Variants in UBE3C observed in about 807,000 individuals in gnomAD.
UBE3C encodes ubiquitin protein ligase E3C.
In UBE3C, 42 loss-of-function variants were observed where a neutral mutation model predicts 129.4. The ratio of observed to expected loss-of-function variants is 0.32; its 90% CI spans 0.25 to 0.42. The LOEUF is 0.42. Among genes scored for constraint, UBE3C ranks in the 10% least tolerant of loss-of-function variants. The probability of loss-of-function intolerance (pLI) is 1.00; values close to 1 mark genes in which losing one functional copy is unlikely to be tolerated. For synonymous variants in UBE3C, 510 were observed against 492.4 expected, an observed-to-expected ratio of 1.04 and a Z score of -0.47; for missense variants, 1,049 against 1,319.1, an observed-to-expected ratio of 0.80 and a Z score of 3.17.
intron 1 of UBE3C, among the ~76,000 whole-genome samples, chr7:157,157,028 C>A (rs114243773): frequency 6.6e-6 from 1 of 152,038 alleles, no homozygotes; most frequent in African/African-American, 2.4e-5. Flanking sequence ...AACTCATGTC[C>A]GGCCCAGGCG....
At chr7:157,230,425 G>A (rs914314316) in intron 17 of UBE3C, among the ~76,000 whole-genome samples, 2 of 151,020 alleles carry the variant, frequency 1.3e-5, no homozygotes, top group African/African-American at 2.4e-5. Context: ...GGCCGGGCAC[G>A]GTGGCTCACG....
At chr7:157,263,641 T>C (rs1347356621) in intron 22 of UBE3C, among the ~76,000 whole-genome samples, 4 of 150,778 alleles carry the variant, frequency 2.7e-5, no homozygotes, top group African/African-American at 9.8e-5. Flanking sequence ...ACCAGCCTTG[T>C]TGAGAGAGCA....
At chr7:157,223,129 A>G (rs773519555) in intron 15 of UBE3C, 125 bp from the exon 16 acceptor site, 2 of 1,001,408 alleles carry the variant, frequency 2.0e-6, no homozygotes, top group African/African-American at 1.6e-5. Context: ...GGATGTGTTC[A>G]TGGAACTGGA....
chr7:157,220,028 T>C lies in UBE3C; in HGVS notation c.1915-661T>C, dbSNP rs184602292. ...GAGTTCAAGACCAGTCTGGGCAAGA[T>C]AGCAAAACCCCATCTCTACAAAAAG... On this transcript the variant is annotated intron_variant, in intron 14 of 22. Coordinates refer to ENST00000348165, the MANE Select transcript of UBE3C (RefSeq NM_014671.3). Among the ~76,000 whole-genome samples, 5 of 152,172 alleles carry C rather than the reference T, an allele frequency of 3.3e-5. No homozygotes were observed. The East Asian group carries it at 7.7e-4, about 24-fold the overall frequency.
intron 18 of UBE3C, among the ~76,000 whole-genome samples, chr7:157,247,658 C>T (rs1227998431): frequency 6.6e-5 from 10 of 152,042 alleles, no homozygotes; most frequent in Admixed American, 5.9e-4. Context: ...CGCGGCTGCA[C>T]TCCAGCCTGG....
At chr7:157,235,218 T>A (rs1276282156) in intron 18 of UBE3C, among the ~76,000 whole-genome samples, 1 of 151,712 alleles carries the variant, frequency 6.6e-6, no homozygotes, top group Non-Finnish European at 1.5e-5. Flanking sequence ...GAAAAGAAAA[T>A]CTTTACAATG....
Position 157,169,093 on chromosome 7 carries a change from A to C in UBE3C, c.166A>C (p.Ile56Leu), listed in dbSNP as rs1358162034. The stretch of plus-strand genomic sequence containing the variant: ...AAATGCAATAATTATCCAGTCATTT[A>C]TTCGAGGCTATAGAGACAGAAAACA... Reference protein sequence around the residue: ...LKNAIIIQSFIRGYRDRKQQY... With the variant: ...LKNAIIIQSFLRGYRDRKQQY... Residue 56 changes from isoleucine (I) to leucine (L), a missense_variant, in exon 3 of 23, where the codon ATT becomes CTT. By Grantham distance (5) the Ile-to-Leu change is conservative. Coordinates refer to ENST00000348165, the MANE Select transcript of UBE3C (RefSeq NM_014671.3). The C allele has an allele frequency of 6.2e-7, 1 of 1,613,734 alleles. No homozygotes were observed. Among genetic ancestry groups the C allele is most frequent in the Non-Finnish European group, 8.5e-7 (1 of 1,179,896 alleles).
chr7:157,220,699 T>C lies in UBE3C; in HGVS notation c.1925T>C (p.Leu642Pro), dbSNP rs1295656126. Residue 642 changes from leucine to proline, a missense_variant, in exon 15 of 23, where the codon CTC becomes CCC. Physicochemically the swap from Leu to Pro is moderately conservative, Grantham distance 98 (BLOSUM62 -3). This residue lies in a region of UBE3C where 314 missense variants were observed against 416.9 expected (regional missense o/e 0.75). Coordinates refer to ENST00000348165, the MANE Select transcript of UBE3C (RefSeq NM_014671.3). ...GATTGCCCCCGACAGGTCACTCAGC[T>C]CTATGTGCCAGCATCCAGACATGTG... ...EDIKADKVTQ[L>P]YVPASRHVWR... 1.9e-6 allele frequency: 3 copies of C among 1,613,980 alleles called. No individual in the cohort carries two copies. Among genetic ancestry groups the C allele is most frequent in the African/African-American group, 1.3e-5 (1 of 74,920 alleles).
intron 13 of UBE3C, among the ~76,000 whole-genome samples, chr7:157,212,478 T>G (rs1200351599): frequency 6.6e-6 from 1 of 152,210 alleles, no homozygotes; most frequent in Non-Finnish European, 1.5e-5. Context: ...CGTAAGAATA[T>G]TTCCCCAAGG....
chr7:157,238,309 T>C (rs1484099820), intron 18 of UBE3C, among the ~76,000 whole-genome samples: 2 of 152,018 alleles, frequency 1.3e-5, no homozygotes, highest in South Asian at 2.1e-4. Flanking sequence ...CCGGCCTGTG[T>C]TGTCGTGGGC....
chr7:157,139,384 G>A (rs1300015647), intron 1 of UBE3C, 46 bp downstream of exon 1: 2 of 1,517,912 alleles, frequency 1.3e-6, no homozygotes, highest in East Asian at 2.5e-5. Flanking sequence ...GGCCTGCGCG[G>A]CCGGGGCTCG....
chr7:157,173,705 A>C (rs1586662448), intron 4 of UBE3C, among the ~76,000 whole-genome samples: 1 of 152,314 alleles, frequency 6.6e-6, no homozygotes, highest in Non-Finnish European at 1.5e-5. Flanking sequence ...GTCCTATTAT[A>C]TAATGTATAG....
In UBE3C at chr7:157,220,689, G is replaced by A; in HGVS notation, c.1915G>A (p.Val639Ile). 6.2e-7 allele frequency: 1 copy of A among 1,614,136 alleles called. No individual in the cohort carries two copies. The highest frequency in any genetic ancestry group is 8.5e-7 in the Non-Finnish European group (1 of 1,179,980). ...SEQEDIKADK[V>I]TQLYVPASRH... Reference sequence around the variant, plus strand: ...TCTGAACCAGGATTGCCCCCGACAGGTCACTCAGCTCTATGTGCCAGCATC... The same window carrying A: ...TCTGAACCAGGATTGCCCCCGACAGATCACTCAGCTCTATGTGCCAGCATC... The change falls in exon 15 of 23, where the codon GTC becomes ATC. Residue 639 changes from valine to isoleucine, a missense_variant and splice_region_variant. By Grantham distance (29) the Val-to-Ile change is conservative. Around this residue, in one of 4 missense-constraint regions of UBE3C, gnomAD observed 314 missense variants for 416.9 expected, o/e 0.75. Transcript: ENST00000348165.
intron 17 of UBE3C, among the ~76,000 whole-genome samples, chr7:157,229,475 C>T (rs1259738416): frequency 6.6e-5 from 10 of 151,956 alleles, no homozygotes; most frequent in Non-Finnish European, 1.2e-4. Flanking sequence ...CCACCACGCC[C>T]GGCTAATTTT....
At chr7:157,211,355 T>G (rs1362917028) in intron 13 of UBE3C, among the ~76,000 whole-genome samples, 1 of 152,228 alleles carries the variant, frequency 6.6e-6, no homozygotes, top group Non-Finnish European at 1.5e-5. Context: ...ATCCAAAGCT[T>G]GTAGCGCTGT....
intron 11 of UBE3C, 97 bp downstream of exon 11, chr7:157,201,904 T>A: frequency 2.1e-6 from 2 of 956,166 alleles, no homozygotes; most frequent in Non-Finnish European, 3.2e-6. Context: ...GTCCTGTTTA[T>A]ACTGGGCTTA....
chr7:157,170,122 T>G (rs1808325492), intron 3 of UBE3C, among the ~76,000 whole-genome samples, 182 bp from the exon 4 acceptor site: 1 of 151,928 alleles, frequency 6.6e-6, no homozygotes, highest in South Asian at 2.1e-4. Context: ...GCCTGGTTTT[T>G]TTTTTTTTTT....
intron 9 of UBE3C, 35 bp downstream of exon 9, chr7:157,184,064 T>C: frequency 6.2e-7 from 1 of 1,606,782 alleles, no homozygotes; most frequent in Non-Finnish European, 8.5e-7. Flanking sequence ...GGGGCTGCGA[T>C]GCAGGCAGCC....
In UBE3C at chr7:157,187,130, T is replaced by C. The variant is rs116938125; in HGVS notation, c.1331+109T>C. 52 of 1,273,734 alleles carry C rather than the reference T, an allele frequency of 4.1e-5. No individual in the cohort carries two copies. In the East Asian group the frequency reaches 9.2e-4, roughly 22 times the overall value. 78.9% of individuals were successfully genotyped at this position (1,273,734 alleles called of 1,614,324 possible). A position where few individuals can be genotyped will look rare whatever the true frequency, so the allele number is the denominator to read the frequency against. ...TTGTCTGCTCTTTTCTGGTAGAGATTGATGTAGGATATTCTACTGTCCAAG... is the reference window on the plus strand; with the variant it reads ...TTGTCTGCTCTTTTCTGGTAGAGATCGATGTAGGATATTCTACTGTCCAAG... On this transcript the variant is annotated intron_variant, in intron 10 of 22. Coordinates refer to ENST00000348165, the MANE Select transcript of UBE3C (RefSeq NM_014671.3).
Sources: gnomAD v4.1 joint callset for allele counts (sites outside exome capture counted in the v4.1 genomes callset) on GRCh38, gnomAD v4.1.1 for gene constraint, gnomAD v4.1.1 regional missense constraint, MANE v1.5 for transcripts, NCBI Gene and HGNC (gene_info 2026-07-23, HGNC 2026-07-21) for gene names.